Variants in PRKG1 observed in about 807,000 individuals in gnomAD.
PRKG1 encodes protein kinase cGMP-dependent 1.
Under a neutral mutation model 88.1 loss-of-function variants are expected in PRKG1, and 35 were observed. The ratio of observed to expected loss-of-function variants is 0.40; its 90% confidence interval spans 0.30 to 0.53. The LOEUF is 0.53. Ranked by LOEUF, PRKG1 falls within the 20% of genes least tolerant of loss-of-function variation. PRKG1 has a pLI of 0.59. For synonymous variants in PRKG1, 303 were observed against 292.5 expected (o/e 1.04, Z -0.37); for missense variants, 540 against 839.8 (o/e 0.64, Z 4.41).
Position 51,147,940 on chromosome 10 carries a change from G to A in PRKG1, c.312-5224G>A, listed in dbSNP as rs552594054. Among the ~76,000 whole-genome samples the A allele has an allele frequency of 4.3e-4, 66 of 152,284 alleles. 1 individual carries two copies. The highest frequency in any genetic ancestry group is 1.5e-3 in the African/African-American group (64 of 41,574). Reference sequence around the variant, plus strand: ...ATTAAATTTTATCTTTATGTGGGCTGGTTGGTAGTTCTTAGCTCTTAGCCA... The same window carrying A: ...ATTAAATTTTATCTTTATGTGGGCTAGTTGGTAGTTCTTAGCTCTTAGCCA... On this transcript the variant is annotated intron_variant, in intron 1 of 17. Coordinates refer to ENST00000373980, the MANE Select transcript of PRKG1 (RefSeq NM_006258.4).
At chr10:51,017,228 A>G (rs1451748455) in intron 1 of PRKG1, among the ~76,000 whole-genome samples, 2 of 152,068 alleles carry the variant, frequency 1.3e-5, no homozygotes, top group African/African-American at 2.4e-5. Context: ...TTATTTATCC[A>G]TCATCCAAAG....
intron 3 of PRKG1, among the ~76,000 whole-genome samples, chr10:51,709,224 A>G (rs1302399993): frequency 6.6e-6 from 1 of 152,240 alleles, no homozygotes; most frequent in Non-Finnish European, 1.5e-5. Context: ...CAGTTTTTAG[A>G]AAGTTCCCAC....
intron 2 of PRKG1, among the ~76,000 whole-genome samples, chr10:51,400,198 C>A (rs1479839031): frequency 6.6e-6 from 1 of 151,920 alleles, no homozygotes; most frequent in Non-Finnish European, 1.5e-5. Context: ...AACGTATTTT[C>A]TCTTATAAAG....
At chr10:51,940,714 C>T (rs1400001661) in intron 5 of PRKG1, among the ~76,000 whole-genome samples, 1 of 151,794 alleles carries the variant, frequency 6.6e-6, no homozygotes, top group Non-Finnish European at 1.5e-5. Context: ...CCTTCAAGCA[C>T]CACTTCTCTT....
intron 2 of PRKG1, among the ~76,000 whole-genome samples, chr10:51,330,620 T>C (rs2132527886): frequency 6.6e-6 from 1 of 152,360 alleles, no homozygotes; most frequent in South Asian, 2.1e-4. Flanking sequence ...CTACTGTCAA[T>C]GACCTCTATT....
At chr10:51,998,867 C>G (rs908283537) in intron 5 of PRKG1, among the ~76,000 whole-genome samples, 1 of 152,148 alleles carries the variant, frequency 6.6e-6, no homozygotes, top group Admixed American at 6.5e-5. Context: ...TCCTGTGGCA[C>G]TTCCAGGAGG....
intron 5 of PRKG1, among the ~76,000 whole-genome samples, chr10:51,939,150 G>C (rs1241185449): frequency 6.6e-6 from 1 of 151,858 alleles, no homozygotes; most frequent in African/African-American, 2.4e-5. Context: ...TATTCTCTTA[G>C]TGTTGCTCCA....
At chr10:51,175,391 C>T (rs1243213184) in intron 2 of PRKG1, among the ~76,000 whole-genome samples, 1 of 151,970 alleles carries the variant, frequency 6.6e-6, no homozygotes, top group African/African-American at 2.4e-5. Context: ...TGAGTTTTTT[C>T]ACATAAGAAA....
intron 2 of PRKG1, among the ~76,000 whole-genome samples, chr10:51,258,209 A>G (rs1839614877): frequency 6.6e-6 from 1 of 152,162 alleles, no homozygotes; most frequent in Non-Finnish European, 1.5e-5. Context: ...AAATGTAACA[A>G]TATCTCCATC....
intron 3 of PRKG1, among the ~76,000 whole-genome samples, chr10:51,628,035 T>C (rs865850051): frequency 9.2e-5 from 12 of 130,030 alleles, no homozygotes; most frequent in South Asian, 7.6e-4. Flanking sequence ...TCTTTCTTTC[T>C]TTCCTTCCTT....
At chr10:51,119,909 T>C (rs993225205) in intron 1 of PRKG1, among the ~76,000 whole-genome samples, 1 of 152,066 alleles carries the variant, frequency 6.6e-6, no homozygotes, top group African/African-American at 2.4e-5. Context: ...AGAAAACTAA[T>C]CTCTCCTTAA....
chr10:51,590,768 G>A (rs1838292065), intron 3 of PRKG1, among the ~76,000 whole-genome samples: 1 of 151,864 alleles, frequency 6.6e-6, no homozygotes, highest in Non-Finnish European at 1.5e-5. Context: ...AGCTCTCTAG[G>A]CTTTGCGCTT....
At chr10:51,244,022 G>A (rs1348506660) in intron 2 of PRKG1, among the ~76,000 whole-genome samples, 1 of 152,104 alleles carries the variant, frequency 6.6e-6, no homozygotes, top group Non-Finnish European at 1.5e-5. Flanking sequence ...TGTTGATGTT[G>A]TCATGTTTTG....
intron 3 of PRKG1, among the ~76,000 whole-genome samples, chr10:51,605,117 T>G (rs774617737): frequency 4.6e-5 from 7 of 152,162 alleles, no homozygotes; most frequent in Non-Finnish European, 7.4e-5. Context: ...GGCATCTGCG[T>G]TGTTCTGCCA....
chr10:51,442,558 T>C (rs1443801547), intron 2 of PRKG1, among the ~76,000 whole-genome samples: 1 of 152,006 alleles, frequency 6.6e-6, no homozygotes, highest in Non-Finnish European at 1.5e-5. Flanking sequence ...GAAGAGTGTA[T>C]AATCTGAAGA....
At chr10:51,333,409 C>A (rs1841790601) in intron 2 of PRKG1, among the ~76,000 whole-genome samples, 1 of 152,172 alleles carries the variant, frequency 6.6e-6, no homozygotes, top group Non-Finnish European at 1.5e-5. Context: ...ACTGTTATCA[C>A]CCTCAGTTTT....
chr10:51,724,982 T>C (rs888475642), intron 3 of PRKG1, among the ~76,000 whole-genome samples: 2 of 151,466 alleles, frequency 1.3e-5, no homozygotes, highest in African/African-American at 2.4e-5. Context: ...ACTGTTGGGA[T>C]TGCAGGCGTG....
At chr10:51,716,999 A>G (rs1417599862) in intron 3 of PRKG1, among the ~76,000 whole-genome samples, 2 of 152,216 alleles carry the variant, frequency 1.3e-5, no homozygotes, top group Admixed American at 1.3e-4. Flanking sequence ...TGCCCAGCCA[A>G]TAATATTGCT....
At chr10:52,226,093 C>G (rs181761714) in intron 9 of PRKG1, among the ~76,000 whole-genome samples, 113 of 151,136 alleles carry the variant, frequency 7.5e-4, no homozygotes, top group Admixed American at 6.9e-3. Context: ...ATAACAGTGC[C>G]TGGCATATGC....
Sources: gnomAD v4.1 joint callset for allele counts (sites outside exome capture counted in the v4.1 genomes callset) on GRCh38, gnomAD v4.1.1 for gene constraint, MANE v1.5 for transcripts, NCBI Gene and HGNC (gene_info 2026-07-23, HGNC 2026-07-21) for gene names.